SMARCAD1: variants seen among roughly 807,000 people sequenced by gnomAD.
The protein encoded by SMARCAD1 is SNF2 related chromatin remodeling ATPase with DExD box 1.
Under a neutral mutation model 127.1 loss-of-function variants are expected in SMARCAD1, and 25 were observed. The observed-to-expected ratio is 0.20, with a 90% CI of 0.14 to 0.27. The LOEUF (loss-of-function observed/expected upper bound fraction) is 0.27, where lower values mean the gene tolerates loss of function less well. Among genes scored for constraint, SMARCAD1 ranks in the 10% least tolerant of loss-of-function variants. The probability of loss-of-function intolerance (pLI) is 1.00; values close to 1 mark genes in which losing one functional copy is unlikely to be tolerated. For missense variants in SMARCAD1, 807 were observed against 1,206.0 expected (o/e 0.67, Z 4.90); for synonymous variants, 400 against 396.9 (o/e 1.01, Z -0.09).
chr4:94,220,113 G>A (rs994924367), intron 2 of SMARCAD1, among the ~76,000 whole-genome samples: 4 of 152,178 alleles, frequency 2.6e-5, no homozygotes, highest in Non-Finnish European at 5.9e-5. Flanking sequence ...GCCATTGGCT[G>A]TTAGCTATTT....
chr4:94,284,991 G>A lies in SMARCAD1; in HGVS notation c.2941G>A (p.Gly981Arg), dbSNP rs191254950. 1 of 1,612,622 alleles carries A rather than the reference G, an allele frequency of 6.2e-7. No individual in the cohort carries two copies. The highest frequency in any genetic ancestry group is 1.1e-5 in the South Asian group (1 of 91,052). ...ACTAGTTATAAAACTAATAAGCCAA[G>A]GGACGATTGAAGAATCCATGCTAAA... ...EVLVIKLISQ[G>R]TIEESMLKIN... Residue 981 changes from glycine (G) to arginine (R), a missense_variant, in exon 23 of 24, where the codon GGG (glycine) becomes AGG (arginine). Transcript: ENST00000354268.
At chr4:94,242,436 G>C (rs1169818536) in intron 6 of SMARCAD1, among the ~76,000 whole-genome samples, 1 of 151,972 alleles carries the variant, frequency 6.6e-6, no homozygotes, top group African/African-American at 2.4e-5. Context: ...CTTCTTTTTA[G>C]CCTCTGTTCC....
chr4:94,252,099 G>A (rs10000247), intron 8 of SMARCAD1, among the ~76,000 whole-genome samples: 1 of 151,942 alleles, frequency 6.6e-6, no homozygotes, highest in African/African-American at 2.4e-5. Flanking sequence ...ATCTGCCCGC[G>A]TCGGCCTCCC....
chr4:94,212,940 C>G (rs1355310869), intron 2 of SMARCAD1: 3 of 559,710 alleles, frequency 5.4e-6, no homozygotes, highest in Non-Finnish European at 9.2e-6. Flanking sequence ...ACCTCTGCCC[C>G]CTGATTTATT....
At chr4:94,241,046 T>C (rs1747500938) in intron 6 of SMARCAD1, 40 bp downstream of exon 6, 3 of 1,442,874 alleles carry the variant, frequency 2.1e-6, no homozygotes, top group African/African-American at 2.8e-5. Context: ...AATTGGCTGC[T>C]TAAGGTTAGG....
Position 94,208,192 on chromosome 4 carries a change from A to G in SMARCAD1, c.-50+122A>G, listed in dbSNP as rs748999308. ...TAAAAGATACCCCCGTCCACCTTCT[A>G]ATTGTTGCGGCCTAACAATGAAGCG... is the stretch of plus-strand genomic sequence containing the variant. On this transcript the variant is annotated intron_variant, in intron 1 of 23. Coordinates refer to ENST00000354268, the MANE Select transcript of SMARCAD1 (RefSeq NM_020159.5). 20 of 708,350 alleles carry G rather than the reference A, an allele frequency of 2.8e-5. No homozygotes were observed. The East Asian group carries it at 3.5e-4, about 12-fold the overall frequency. 43.9% of individuals were successfully genotyped at this position (708,350 alleles called of 1,614,324 possible). A position where few individuals can be genotyped will look rare whatever the true frequency, so the allele number is the denominator to read the frequency against.
intron 9 of SMARCAD1, among the ~76,000 whole-genome samples, chr4:94,264,003 AT>A (rs1004907750): frequency 2.1e-4 from 32 of 152,026 alleles, no homozygotes; most frequent in African/African-American, 7.7e-4. Context: ...ATACAACTAT[AT>A]TTTGAAAGAA....
intron 22 of SMARCAD1, among the ~76,000 whole-genome samples, chr4:94,283,947 C>CTGTTA (rs376972473): frequency 1.5e-4 from 23 of 152,218 alleles, no homozygotes; most frequent in African/African-American, 5.3e-4. Flanking sequence ...CTGGGCTGTC[C>CTGTTA]TGTTACCCTT....
chr4:94,221,690 T>C (rs1744158949), intron 2 of SMARCAD1, among the ~76,000 whole-genome samples: 1 of 152,126 alleles, frequency 6.6e-6, no homozygotes, highest in Non-Finnish European at 1.5e-5. Context: ...TTCATGAAGA[T>C]GTTGTAGGGG....
At position 94,208,059 on chromosome 4, in the gene SMARCAD1, G is replaced by A. The variant is rs994893914; in HGVS notation, c.-61G>A. ...GGGGGTTATACTGGGGAACGTGCCT[G>A]CGCGTGCTTGGGTAAGAGGAGGTTG... On this transcript the variant is annotated 5_prime_UTR_variant, in exon 1 of 24. Transcript: ENST00000354268. 2.1e-6 allele frequency: 1 copy of A among 485,592 alleles called. No individual in the cohort carries two copies. 30.1% of individuals were successfully genotyped at this position (485,592 alleles called of 1,614,324 possible).
chr4:94,248,532 T>G (rs887958004), intron 6 of SMARCAD1: 22 of 456,092 alleles, frequency 4.8e-5, no homozygotes, highest in Admixed American at 1.4e-4. Flanking sequence ...TTTGAAATGG[T>G]TTCTCCAGAT....
intron 2 of SMARCAD1, among the ~76,000 whole-genome samples, chr4:94,222,376 T>C (rs987976928): frequency 1.3e-5 from 2 of 152,152 alleles, no homozygotes; most frequent in African/African-American, 4.8e-5. Context: ...TCTTTGGGAC[T>C]TAAAGAGTAC....
At chr4:94,241,417 C>T (rs910896195) in intron 6 of SMARCAD1, among the ~76,000 whole-genome samples, 1 of 152,166 alleles carries the variant, frequency 6.6e-6, no homozygotes, top group Admixed American at 6.5e-5. Context: ...CCAAATTTCC[C>T]CTTTTTATAA....
chr4:94,222,838 C>T (rs1579040620), intron 2 of SMARCAD1, among the ~76,000 whole-genome samples: 1 of 152,102 alleles, frequency 6.6e-6, no homozygotes, highest in East Asian at 1.9e-4. Context: ...GGGGCAGGCA[C>T]CTGTAATCCC....
In SMARCAD1 at chr4:94,250,813, A is replaced by G. The variant is rs763651190; in HGVS notation, c.869A>G (p.Lys290Arg). The G allele has an allele frequency of 3.1e-5, 50 of 1,612,388 alleles. No individual in the cohort carries two copies. The Admixed American group carries it at 8.3e-4, about 27-fold the overall frequency. ...TACACAGAAGCTTTAGAATCTCTAA[A>G]AGTGTTTGCAGAAGACCAAGGTAAT... The part of the protein sequence containing the change: ...WMYTEALESL[K>R]VFAEDQDMQY... The change falls in exon 8 of 24, where the codon AAA becomes AGA. Residue 290 changes from lysine (K) to arginine (R), a missense_variant. This residue lies in a region of SMARCAD1 where 257 missense variants were observed against 303.4 expected (regional missense o/e 0.85). Transcript: ENST00000354268.
At chr4:94,276,185 ATT>A (rs1484726930) in intron 14 of SMARCAD1, among the ~76,000 whole-genome samples, 152 bp from the exon 15 acceptor site, 1 of 152,162 alleles carries the variant, frequency 6.6e-6, no homozygotes, top group Non-Finnish European at 1.5e-5. Context: ...GTACGTCAGT[ATT>A]TATTTGAGTA....
chr4:94,269,860 T>G (rs943932184), intron 10 of SMARCAD1, among the ~76,000 whole-genome samples: 3 of 151,732 alleles, frequency 2.0e-5, no homozygotes, highest in Non-Finnish European at 2.9e-5. Flanking sequence ...TTGGTAGAGA[T>G]AGCGTTTTGT....
chr4:94,287,499 A>G (rs1380473667), intron 23 of SMARCAD1, among the ~76,000 whole-genome samples: 1 of 152,208 alleles, frequency 6.6e-6, no homozygotes, highest in Non-Finnish European at 1.5e-5. Flanking sequence ...TTGTGTTCCT[A>G]GAGCTTGCCT....
At position 94,249,818 on chromosome 4, in the gene SMARCAD1, T is replaced by C. The variant is rs1331893493; in HGVS notation, c.807+63T>C. ...TAAGTGTTTTTATTATAAAATAGTG[T>C]TAAGAGTTCAACCACATAAAAGCTT... On this transcript the variant is annotated intron_variant, in intron 7 of 23. Transcript: ENST00000354268. 5 of 947,992 alleles carry C rather than the reference T, an allele frequency of 5.3e-6. No homozygotes were observed. In the Admixed American group the frequency reaches 6.9e-5, roughly 13 times the overall value. The allele number at this position is 947,992 out of a possible 1,614,324, so 58.7% of individuals were successfully genotyped here. A position where few individuals can be genotyped will look rare whatever the true frequency, so the allele number is the denominator to read the frequency against.
Sources: gnomAD v4.1 joint callset for allele counts (sites outside exome capture counted in the v4.1 genomes callset) on GRCh38, gnomAD v4.1.1 for gene constraint, gnomAD v4.1.1 regional missense constraint, MANE v1.5 for transcripts, NCBI Gene and HGNC (gene_info 2026-07-23, HGNC 2026-07-21) for gene names.